Variants in ARF3 observed in about 807,000 individuals in gnomAD.
ARF3 encodes ARF GTPase 3, also known as ADP-ribosylation factor 3.
ARF3 carries 5 observed loss-of-function variants against 19.3 expected under a neutral mutation model. The ratio of observed to expected loss-of-function variants is 0.26; its 90% CI spans 0.14 to 0.54. The LOEUF (loss-of-function observed/expected upper bound fraction) is 0.54. Ranked by LOEUF, ARF3 falls within the 20% of genes least tolerant of loss-of-function variation. ARF3 has a pLI of 0.95. For missense variants in ARF3, 77 were observed against 234.2 expected (o/e 0.33, Z 4.38); for synonymous variants, 71 against 89.2 (o/e 0.80, Z 1.15).
rs777495867 is a variant in ARF3, at chr12:48,940,111, T to TG, written c.149-5dup. 20 of 1,591,146 alleles carry TG rather than the reference T, an allele frequency of 1.3e-5. No homozygotes were observed. The Admixed American group carries it at 1.6e-4, about 13-fold the overall frequency. On this transcript the variant is annotated splice_region_variant and splice_polypyrimidine_tract_variant and intron_variant, in intron 2 of 4. Transcript: ENST00000256682. ...TCCACTGTCTCCACATTGAACCCTT[T>TG]GGAAAAAAAACAGGCAATGGCCACT...
chr12:48,940,747 G>A (rs779576232), intron 2 of ARF3, among the ~76,000 whole-genome samples: 4 of 152,212 alleles, frequency 2.6e-5, no homozygotes, highest in African/African-American at 4.8e-5. Context: ...GGAAGTTCCC[G>A]CATCAGGGAG....
chr12:48,945,051 A>G (rs1940333936), intron 1 of ARF3, among the ~76,000 whole-genome samples: 1 of 150,542 alleles, frequency 6.6e-6, no homozygotes, highest in Non-Finnish European at 1.5e-5. Context: ...GAGGCAGGAG[A>G]ACCGCTGGAA....
At chr12:48,955,462 T>C (rs1487245162) in intron 1 of ARF3, among the ~76,000 whole-genome samples, 1 of 152,180 alleles carries the variant, frequency 6.6e-6, no homozygotes, top group Non-Finnish European at 1.5e-5. Flanking sequence ...CTAGTAATAT[T>C]TTTCTTTTTG....
At chr12:48,950,449 A>G (rs1451764251) in intron 1 of ARF3, among the ~76,000 whole-genome samples, 1 of 151,970 alleles carries the variant, frequency 6.6e-6, no homozygotes, top group African/African-American at 2.4e-5. Context: ...GGCTTCCCAA[A>G]GTTCTGGGAT....
rs1297444409 is a variant in ARF3 at position 48,935,843 on chromosome 12, T to C, written c.*3104A>G. The C allele has an allele frequency of 6.6e-6, 1 of 152,206 alleles. No individual in the cohort carries two copies. The highest frequency in any genetic ancestry group is 2.4e-5 in the African/African-American group (1 of 41,456). The allele number at this position is 152,206 out of a possible 1,614,324, so 9.4% of individuals were successfully genotyped here. ...GAGGAGATCTGAGAGTAGAGGCACA[T>C]GGGGCCCTCCAAGTTCAGGGCCCTT... On this transcript the variant is annotated 3_prime_UTR_variant, in exon 5 of 5. Transcript: ENST00000256682.
chr12:48,935,817 TGAG>T lies in ARF3; in HGVS notation c.*3127_*3129del, dbSNP rs1411886279. 1 of 152,200 alleles carries T rather than the reference TGAG, an allele frequency of 6.6e-6. No homozygotes were observed. The highest frequency in any genetic ancestry group is 1.5e-5 in the Non-Finnish European group (1 of 68,036). 9.4% of individuals were successfully genotyped at this position (152,200 alleles called of 1,614,324 possible). A position where few individuals can be genotyped will look rare whatever the true frequency, so the allele number is the denominator to read the frequency against. ...ACTAGAAGCACCTCATGTGCAAGGC[TGAG>T]GAGATCTGAGAGTAGAGGCACATGG... On this transcript the variant is annotated 3_prime_UTR_variant, in exon 5 of 5. Transcript: ENST00000256682.
At chr12:48,954,597 G>A (rs192682247) in intron 1 of ARF3, among the ~76,000 whole-genome samples, 103 of 152,286 alleles carry the variant, frequency 6.8e-4, no homozygotes, top group African/African-American at 2.4e-3. Context: ...AAAGAGAGAA[G>A]ACAAGCAATT....
chr12:48,953,644 T>C, intron 1 of ARF3, among the ~76,000 whole-genome samples: 1 of 152,164 alleles, frequency 6.6e-6, no homozygotes, highest in Non-Finnish European at 1.5e-5. Context: ...TAATGGTGGA[T>C]CTCTAACATT....
chr12:48,945,593 C>T (rs1352640335), intron 1 of ARF3, among the ~76,000 whole-genome samples: 2 of 151,740 alleles, frequency 1.3e-5, no homozygotes, highest in Non-Finnish European at 1.5e-5. Flanking sequence ...CGTGGTGGTA[C>T]ATGCTTGTAG....
chr12:48,941,953 C>G (rs1032742210), intron 1 of ARF3, among the ~76,000 whole-genome samples: 4 of 152,166 alleles, frequency 2.6e-5, no homozygotes, highest in Admixed American at 2.6e-4. Flanking sequence ...CCCACATGGT[C>G]GCTGCAATGA....
chr12:48,946,897 G>A (rs1051883725), intron 1 of ARF3, among the ~76,000 whole-genome samples: 1 of 152,180 alleles, frequency 6.6e-6, no homozygotes, highest in Non-Finnish European at 1.5e-5. Flanking sequence ...AATGTGCTAT[G>A]AGACACCTCT....
intron 1 of ARF3, among the ~76,000 whole-genome samples, chr12:48,950,049 T>A (rs1592243146): frequency 6.6e-6 from 1 of 152,320 alleles, no homozygotes; most frequent in East Asian, 1.9e-4. Context: ...AACTAAACTT[T>A]TTCTTTTTTA....
At position 48,945,928 on chromosome 12, in the gene ARF3, G is replaced by A. The variant is rs529066220; in HGVS notation, c.-93-4740C>T. 3.2e-4 allele frequency among the ~76,000 whole-genome samples: 48 copies of A among 152,188 alleles called. No individual in the cohort carries two copies. The East Asian group carries it at 3.9e-3, about 12-fold the overall frequency. The stretch of plus-strand genomic sequence containing the variant: ...AGTGATTCTTGTGCCTCAGCCTCCC[G>A]AGTAGCTGGGATTACAGGCATGTGC... On this transcript the variant is annotated intron_variant, in intron 1 of 4. Coordinates refer to ENST00000256682, the MANE Select transcript of ARF3 (RefSeq NM_001659.3).
Position 48,938,491 on chromosome 12 carries a change from C to T in ARF3, c.*456G>A, listed in dbSNP as rs1195702361. On this transcript the variant is annotated 3_prime_UTR_variant, in exon 5 of 5. Transcript: ENST00000256682. Reference sequence around the variant, plus strand: ...ATGTATATACAGGCGCACACATGCACGCAAACACAGAGAGGCCCGTGCAAT... The same window carrying T: ...ATGTATATACAGGCGCACACATGCATGCAAACACAGAGAGGCCCGTGCAAT... 7 of 449,556 alleles carry T rather than the reference C, an allele frequency of 1.6e-5. No homozygotes were observed. Among genetic ancestry groups the T allele is most frequent in the Non-Finnish European group, 2.7e-5 (6 of 222,792 alleles). 27.8% of individuals were successfully genotyped at this position (449,556 alleles called of 1,614,324 possible). A position where few individuals can be genotyped will look rare whatever the true frequency, so the allele number is the denominator to read the frequency against.
intron 2 of ARF3, 142 bp downstream of exon 2, chr12:48,940,806 A>G: frequency 8.6e-7 from 1 of 1,156,188 alleles, no homozygotes. Context: ...GTAGTAAGCT[A>G]AACAACACCA....
At position 48,938,249 on chromosome 12, in the gene ARF3, A is replaced by G; in HGVS notation, c.*698T>C. The G allele has an allele frequency of 5.2e-6, 2 of 382,020 alleles. No individual in the cohort carries two copies. Among genetic ancestry groups the G allele is most frequent in the South Asian group, 1.9e-5 (1 of 53,902 alleles). 23.7% of individuals were successfully genotyped at this position (382,020 alleles called of 1,614,324 possible). On this transcript the variant is annotated 3_prime_UTR_variant, in exon 5 of 5. Transcript: ENST00000256682. ...TGGTGAAGAATCCATCATCTGTCCT[A>G]TCATCCAGAAAAACCTACCTGCAGA... is the stretch of plus-strand genomic sequence containing the variant.
chr12:48,942,619 T>G (rs2030900), intron 1 of ARF3, among the ~76,000 whole-genome samples: 49,771 of 152,130 alleles, frequency 0.33, 9,155 homozygotes, highest in Admixed American at 0.47. Context: ...TATATTTATT[T>G]CTTGCTGATT....
chr12:48,946,124 T>G (rs1940354382), intron 1 of ARF3, among the ~76,000 whole-genome samples: 1 of 152,166 alleles, frequency 6.6e-6, no homozygotes, highest in South Asian at 2.1e-4. Flanking sequence ...TTAAGTATAA[T>G]CTGGAGCTTG....
At chr12:48,947,670 T>A (rs1940383420) in intron 1 of ARF3, among the ~76,000 whole-genome samples, 1 of 152,144 alleles carries the variant, frequency 6.6e-6, no homozygotes, top group Non-Finnish European at 1.5e-5. Flanking sequence ...AGTTTCTGCC[T>A]TCATGAAACT....
Sources: allele counts gnomAD v4.1 joint callset (sites outside exome capture counted in the v4.1 genomes callset), GRCh38; gene constraint gnomAD v4.1.1; transcripts MANE v1.5; gene names NCBI Gene and HGNC (gene_info 2026-07-23, HGNC 2026-07-21).